Variants in IL17RE observed in about 807,000 individuals in gnomAD.
The protein encoded by IL17RE is interleukin-17 receptor E.
In IL17RE, 47 loss-of-function variants were observed where a neutral mutation model predicts 70.7. The ratio of observed to expected loss-of-function variants is 0.67; its 90% CI spans 0.53 to 0.85. IL17RE has a LOEUF of 0.85. Among genes scored for constraint, IL17RE ranks in the 40% least tolerant of loss-of-function variants. IL17RE has a pLI of 0.00. For synonymous variants in IL17RE, 372 were observed against 381.2 expected (o/e 0.98, Z 0.28); for missense variants, 850 against 893.9 (o/e 0.95, Z 0.63).
intron 7 of IL17RE, among the ~76,000 whole-genome samples, chr3:9,908,819 A>T (rs2082818642): frequency 6.6e-6 from 1 of 152,218 alleles, no homozygotes; most frequent in South Asian, 2.1e-4. Context: ...GCAGAGACCT[A>T]GAGCCACGAG....
chr3:9,903,253 G>T (rs279588), intron 1 of IL17RE, 144 bp from the exon 2 acceptor site: 525,689 of 1,038,846 alleles, frequency 0.51, 138,293 homozygotes, highest in Middle Eastern at 0.54. Context: ...GAGCTGGGAA[G>T]ATAAGAGCCA....
rs1279439052 is a variant in IL17RE, at chr3:9,915,982, C to G, written c.*175C>G. The stretch of plus-strand genomic sequence containing the variant: ...GTCCCAGCCCAGTCCCCGCGCGCGT[C>G]CCTCTTCCTCCTCATACTTTCCCTT... On this transcript the variant is annotated 3_prime_UTR_variant, in exon 16 of 16. Coordinates refer to ENST00000383814, the MANE Select transcript of IL17RE (RefSeq NM_153480.2). The surrounding 1 kb of genome is among the most constrained non-coding windows in gnomAD (Gnocchi z 4.9). 6.1e-6 allele frequency: 7 copies of G among 1,155,316 alleles called. No individual in the cohort carries two copies. In the South Asian group the frequency reaches 1.1e-4, roughly 18 times the overall value. 71.6% of individuals were successfully genotyped at this position (1,155,316 alleles called of 1,614,324 possible). A position where few individuals can be genotyped will look rare whatever the true frequency, so the allele number is the denominator to read the frequency against.
At position 9,911,260 on chromosome 3, in the gene IL17RE, T is replaced by G. The variant is rs146288171; in HGVS notation, c.1032T>G (p.Ser344=). 2.5e-6 allele frequency: 4 copies of G among 1,614,098 alleles called. No individual in the cohort carries two copies. Among genetic ancestry groups the G allele is most frequent in the Non-Finnish European group, 3.4e-6 (4 of 1,180,048 alleles). ...GCCATTCCTGTATTTCTCAGTTCTC[T>G]TTTGGAAACAGCAGCCATGTTGAAT... ...DLHPQLCFKF[S]FGNSSHVECP... Residue 344 remains serine, a synonymous_variant, in exon 11 of 16, where the codon TCT becomes TCG. Transcript: ENST00000383814.
intron 3 of IL17RE, among the ~76,000 whole-genome samples, chr3:9,906,074 A>AC (rs1002893870): frequency 3.3e-5 from 5 of 151,456 alleles, no homozygotes; most frequent in African/African-American, 1.2e-4. Context: ...ACACGCAGAA[A>AC]CCCCGTCTCC....
At chr3:9,908,922 G>A (rs1329619735) in intron 7 of IL17RE, among the ~76,000 whole-genome samples, 2 of 152,144 alleles carry the variant, frequency 1.3e-5, no homozygotes, top group African/African-American at 2.4e-5. Context: ...GGCTGAGAGT[G>A]GAGGCCAGAG....
intron 4 of IL17RE, 103 bp from the exon 5 acceptor site, chr3:9,906,603 G>C: frequency 6.8e-7 from 1 of 1,467,112 alleles, no homozygotes; most frequent in South Asian, 1.2e-5. Context: ...GAGGCCAAAA[G>C]AGTTTGAGCA....
In IL17RE at chr3:9,910,925, T is replaced by C; in HGVS notation, c.863T>C (p.Val288Ala). 1 of 1,614,104 alleles carries C rather than the reference T, an allele frequency of 6.2e-7. No individual in the cohort carries two copies. The highest frequency in any genetic ancestry group is 8.5e-7 in the Non-Finnish European group (1 of 1,180,008). Residue 288 changes from valine to alanine, a missense_variant, in exon 9 of 16, where the codon GTC becomes GCC. Physicochemically the swap from Val to Ala is moderately conservative, Grantham distance 64. Coordinates refer to ENST00000383814, the MANE Select transcript of IL17RE (RefSeq NM_153480.2). Reference sequence around the variant, plus strand: ...GACTACAGCCAGCACACTCAGATGGTCATGGCCCTGACACTCCGCTGCCCA... The same window carrying C: ...GACTACAGCCAGCACACTCAGATGGCCATGGCCCTGACACTCCGCTGCCCA... Reference protein sequence around the residue: ...FTDYSQHTQMVMALTLRCPLK... With the variant: ...FTDYSQHTQMAMALTLRCPLK...
At chr3:9,909,579 T>A in intron 8 of IL17RE, 1 of 385,578 alleles carries the variant, frequency 2.6e-6, no homozygotes, top group Non-Finnish European at 4.7e-6. Flanking sequence ...GAAGACCCAG[T>A]TCCCATCACA....
At chr3:9,902,747 G>C (rs537720120), upstream of IL17RE, 1 of 1,535,162 alleles carries the variant, frequency 6.5e-7, no homozygotes, top group East Asian at 2.4e-5. Flanking sequence ...CCTCCACTTG[G>C]AGGGGAAGGA....
At chr3:9,903,475 A>C in intron 2 of IL17RE, 63 bp downstream of exon 2, 1 of 1,567,944 alleles carries the variant, frequency 6.4e-7, no homozygotes, top group Non-Finnish European at 8.8e-7. Context: ...GATGCCTAGC[A>C]AGCCCTCCAT....
upstream of IL17RE, chr3:9,902,624 G>C: frequency 2.0e-6 from 3 of 1,536,074 alleles, no homozygotes; most frequent in Non-Finnish European, 1.7e-6. Flanking sequence ...AAATGGGTGC[G>C]TCCCCCAACC....
intron 8 of IL17RE, 160 bp downstream of exon 8, chr3:9,909,443 G>A (rs919696836): frequency 9.0e-6 from 6 of 670,332 alleles, no homozygotes; most frequent in Non-Finnish European, 1.6e-5. Context: ...GGAGTCAGTG[G>A]GGGGAAAAGG....
At chr3:9,907,367 G>C (rs1224461932) in intron 6 of IL17RE, among the ~76,000 whole-genome samples, 1 of 151,804 alleles carries the variant, frequency 6.6e-6, no homozygotes, top group Non-Finnish European at 1.5e-5. Flanking sequence ...GTGAAACCCT[G>C]CTGCTAAAAA....
In IL17RE at chr3:9,915,340, C is replaced by T. The variant is rs2083007340; in HGVS notation, c.1537C>T (p.Arg513Trp). 3 of 1,380,326 alleles carry T rather than the reference C, an allele frequency of 2.2e-6. No individual in the cohort carries two copies. Among genetic ancestry groups the T allele is most frequent in the East Asian group, 3.0e-5 (1 of 33,100 alleles). 85.5% of individuals were successfully genotyped at this position (1,380,326 alleles called of 1,614,324 possible). A position where few individuals can be genotyped will look rare whatever the true frequency, so the allele number is the denominator to read the frequency against. Reference protein sequence around the residue: ...RLVGALAELLRAALGGGRDVI... With the variant: ...RLVGALAELLWAALGGGRDVI... ...GGTGGGAGCGCTGGCTGAACTGCTA[C>T]GGGCAGCGCTGGGCGGCGGGCGCGA... Residue 513 changes from arginine (R) to tryptophan (W), a missense_variant, in exon 16 of 16, where the codon CGG becomes TGG. Physicochemically the swap from Arg to Trp is moderately radical, Grantham distance 101 (BLOSUM62 -3). Coordinates refer to ENST00000383814, the MANE Select transcript of IL17RE (RefSeq NM_153480.2). The surrounding 1 kb of genome is among the most constrained non-coding windows in gnomAD (Gnocchi z 4.9).
intron 3 of IL17RE, among the ~76,000 whole-genome samples, chr3:9,904,789 A>G (rs997100073): frequency 6.6e-6 from 1 of 151,700 alleles, no homozygotes; most frequent in Non-Finnish European, 1.5e-5. Flanking sequence ...CTCCATCTCC[A>G]AAAAAAGAAT....
At position 9,906,719 on chromosome 3, in the gene IL17RE, CTCG is replaced by C; in HGVS notation, c.386_388del (p.Arg129del). ...CTCTGCCTTTAGAGGAAGCTGCTGCCTCGTCGTCACCTGTCTGAGAAGAGCCAT... is the reference window on the plus strand; with the variant it reads ...CTCTGCCTTTAGAGGAAGCTGCTGCCTCGTCACCTGTCTGAGAAGAGCCAT... On this transcript the variant is annotated inframe_deletion, in exon 5 of 16. Coordinates refer to ENST00000383814, the MANE Select transcript of IL17RE (RefSeq NM_153480.2). The C allele has an allele frequency of 4.3e-6, 7 of 1,614,212 alleles. No homozygotes were observed. Among genetic ancestry groups the C allele is most frequent in the Non-Finnish European group, 5.9e-6 (7 of 1,180,046 alleles).
intron 7 of IL17RE, 140 bp from the exon 8 acceptor site, chr3:9,909,075 ATT>A: frequency 1.6e-6 from 1 of 616,834 alleles, no homozygotes; most frequent in Non-Finnish European, 2.9e-6. Flanking sequence ...CCCACCCCAC[ATT>A]GCCCCCTCCT....
chr3:9,902,564 T>C (rs983517290), upstream of IL17RE: 55 of 1,457,756 alleles, frequency 3.8e-5, no homozygotes, highest in Non-Finnish European at 5.0e-5. Context: ...CAGAGTGTGC[T>C]GATGGGTGGA....
intron 6 of IL17RE, 123 bp downstream of exon 6, chr3:9,907,223 C>G: frequency 8.0e-7 from 1 of 1,252,062 alleles, no homozygotes; most frequent in Non-Finnish European, 1.1e-6. Context: ...GACCTCCTTA[C>G]AAGCTGAAGG....
Sources: allele counts gnomAD v4.1 joint callset (sites outside exome capture counted in the v4.1 genomes callset), GRCh38; gene constraint gnomAD v4.1.1; non-coding constraint Gnocchi (gnomAD v3.1); transcripts MANE v1.5; gene names NCBI Gene and HGNC (gene_info 2026-07-23, HGNC 2026-07-21).